The following LRP1B variants were observed in gnomAD, a reference collection of about 807,000 sequenced individuals.
LRP1B encodes the protein LDL receptor related protein 1B, also known as low-density lipoprotein receptor-related protein 1B.
A neutral mutation model predicts 556.6 loss-of-function variants in LRP1B; 217 were observed. The ratio of observed to expected loss-of-function variants is 0.39; its 90% CI spans 0.35 to 0.44. The LOEUF is 0.44. Ranked by LOEUF, LRP1B falls within the 20% of genes least tolerant of loss-of-function variation. LRP1B has a pLI of 1.00. For synonymous variants in LRP1B, 2,047 were observed against 1,865.8 expected, an observed-to-expected ratio of 1.10 and a Z score of -2.50; for missense variants, 5,053 against 5,620.8, an observed-to-expected ratio of 0.90 and a Z score of 3.23.
At chr2:141,804,821 A>C (rs565682503) in intron 2 of LRP1B, among the ~76,000 whole-genome samples, 3 of 152,186 alleles carry the variant, frequency 2.0e-5, no homozygotes, top group African/African-American at 7.2e-5. Flanking sequence ...TGGGATAATG[A>C]AGGCACAATA....
intron 41 of LRP1B, among the ~76,000 whole-genome samples, chr2:140,622,322 T>A (rs1683486783): frequency 6.6e-6 from 1 of 152,202 alleles, no homozygotes; most frequent in Non-Finnish European, 1.5e-5. Flanking sequence ...ATGTATTCAT[T>A]TTACAGCTTC....
At chr2:141,652,659 A>C (rs1689842471) in intron 2 of LRP1B, among the ~76,000 whole-genome samples, 2 of 152,180 alleles carry the variant, frequency 1.3e-5, no homozygotes, top group African/African-American at 4.8e-5. Flanking sequence ...GAAACCTTTA[A>C]AGCCATCAAG....
In LRP1B at chr2:141,019,795, C is replaced by T. The variant is rs141431575; in HGVS notation, c.1970+127G>A. 2,394 of 637,830 alleles carry T rather than the reference C, an allele frequency of 3.8e-3. 17 individuals carry two copies. Among genetic ancestry groups the T allele is most frequent in the South Asian group, 0.02 (704 of 34,846 alleles). 39.5% of individuals were successfully genotyped at this position (637,830 alleles called of 1,614,324 possible). On this transcript the variant is annotated intron_variant, in intron 12 of 90. Transcript: ENST00000389484. ...AAACCCTTAAATGTGTAACTTTACC[C>T]ACTAAGACCATTTGTGTGGAAAATC... is the stretch of plus-strand genomic sequence containing the variant.
chr2:141,684,918 A>G (rs10200671), intron 2 of LRP1B, among the ~76,000 whole-genome samples: 69,357 of 151,898 alleles, frequency 0.46, 16,370 homozygotes, highest in East Asian at 0.58. Context: ...CTGCTCAGGT[A>G]CAAGCATACC....
chr2:140,661,138 A>C (rs1008894591), intron 41 of LRP1B, among the ~76,000 whole-genome samples: 11 of 152,270 alleles, frequency 7.2e-5, no homozygotes, highest in Non-Finnish European at 2.9e-5. Flanking sequence ...TGGTGAATAA[A>C]TAGTAAGTTA....
intron 5 of LRP1B, among the ~76,000 whole-genome samples, chr2:141,242,181 G>T (rs1357318683): frequency 6.6e-6 from 1 of 152,086 alleles, no homozygotes; most frequent in Non-Finnish European, 1.5e-5. Context: ...CTGATAAGAA[G>T]GTGATACTAT....
intron 1 of LRP1B, among the ~76,000 whole-genome samples, chr2:142,073,297 T>G (rs1485742459): frequency 6.6e-6 from 1 of 152,000 alleles, no homozygotes; most frequent in Admixed American, 6.6e-5. Flanking sequence ...GGTATACTCC[T>G]GGTAACAAGT....
intron 6 of LRP1B, among the ~76,000 whole-genome samples, chr2:141,199,202 T>C (rs1681891408): frequency 6.6e-6 from 1 of 152,146 alleles, no homozygotes; most frequent in Non-Finnish European, 1.5e-5. Flanking sequence ...CACAAATGCT[T>C]TCAGAAATAC....
intron 1 of LRP1B, among the ~76,000 whole-genome samples, chr2:141,824,633 G>A (rs550310973): frequency 6.6e-6 from 1 of 152,304 alleles, no homozygotes; most frequent in East Asian, 1.9e-4. Flanking sequence ...GATTACAGGC[G>A]TGAGCCACCG....
chr2:141,867,117 TAAA>T (rs1331378166), intron 1 of LRP1B, among the ~76,000 whole-genome samples: 5 of 152,036 alleles, frequency 3.3e-5, no homozygotes, highest in African/African-American at 4.8e-5. Context: ...AAGGAAATAA[TAAA>T]GAATGTTTCA....
chr2:141,441,747 G>A (rs573837983), intron 3 of LRP1B, among the ~76,000 whole-genome samples: 1 of 152,296 alleles, frequency 6.6e-6, no homozygotes, highest in Non-Finnish European at 1.5e-5. Context: ...ACTGTTAGCA[G>A]TGTAGTCTCA....
Position 141,939,015 on chromosome 2 carries a change from G to T in LRP1B, c.83-128614C>A, listed in dbSNP as rs79139047. On this transcript the variant is annotated intron_variant, in intron 1 of 90. Coordinates refer to ENST00000389484, the MANE Select transcript of LRP1B (RefSeq NM_018557.3). ...TTGGAGGGGAGAGTTATGGGGAGAT[G>T]TTGGTCAAAAGTAGGAAGTTGTAGT... is the stretch of plus-strand genomic sequence containing the variant. Among the ~76,000 whole-genome samples, 1,275 of 152,058 alleles carry T rather than the reference G, an allele frequency of 8.4e-3. 19 individuals carry two copies. The highest frequency in any genetic ancestry group is 0.028 in the African/African-American group (1,174 of 41,514).
At chr2:141,246,521 A>G (rs1684074000) in intron 5 of LRP1B, among the ~76,000 whole-genome samples, 2 of 152,220 alleles carry the variant, frequency 1.3e-5, no homozygotes, top group South Asian at 4.1e-4. Flanking sequence ...TTAGTAGTAA[A>G]TCACTTTATT....
chr2:140,694,103 T>C (rs1216398450), intron 41 of LRP1B, among the ~76,000 whole-genome samples: 1 of 152,184 alleles, frequency 6.6e-6, no homozygotes, highest in African/African-American at 2.4e-5. Context: ...CTATGTTTAG[T>C]TAAAACAAAA....
chr2:141,594,978 C>T (rs1402906842), intron 2 of LRP1B, among the ~76,000 whole-genome samples: 2 of 151,968 alleles, frequency 1.3e-5, no homozygotes, highest in South Asian at 2.1e-4. Flanking sequence ...ATTACCTTTG[C>T]ATTAAAAATT....
chr2:140,935,176 G>A (rs1172417244), intron 20 of LRP1B, among the ~76,000 whole-genome samples: 1 of 152,018 alleles, frequency 6.6e-6, no homozygotes, highest in Non-Finnish European at 1.5e-5. Context: ...ATAAACCAAT[G>A]AAAAGTATCT....
At chr2:141,199,932 T>G (rs12477086) in intron 6 of LRP1B, among the ~76,000 whole-genome samples, 151,992 of 152,278 alleles carry the variant, frequency 1, 75,853 homozygotes, top group Non-Finnish European at 1. Context: ...AACATATGCT[T>G]CCAAGGCTTC....
chr2:141,586,715 G>A (rs1687147364), intron 2 of LRP1B, among the ~76,000 whole-genome samples: 2 of 152,046 alleles, frequency 1.3e-5, no homozygotes, highest in South Asian at 4.1e-4. Context: ...GGCCGAGGCG[G>A]GTGGATCACA....
intron 6 of LRP1B, among the ~76,000 whole-genome samples, chr2:141,191,207 G>A (rs1023508245): frequency 1.3e-5 from 2 of 151,882 alleles, no homozygotes; most frequent in African/African-American, 4.8e-5. Context: ...CCTTATGAAT[G>A]CTTCTGTGTC....
Sources: gnomAD v4.1 joint callset for allele counts (sites outside exome capture counted in the v4.1 genomes callset) on GRCh38, gnomAD v4.1.1 for gene constraint, MANE v1.5 for transcripts, NCBI Gene and HGNC (gene_info 2026-07-23, HGNC 2026-07-21) for gene names.